TBC1D14: variants seen among roughly 807,000 people sequenced by gnomAD.
The protein encoded by TBC1D14 is TBC1 domain family member 14, also known as TBC1 domain family, member 14.
Under a neutral mutation model 79.0 loss-of-function variants are expected in TBC1D14, and 26 were observed. That is an observed-to-expected ratio of 0.33 (90% CI 0.24 to 0.46). The LOEUF (loss-of-function observed/expected upper bound fraction) is 0.46, where lower values mean the gene tolerates loss of function less well. Ranked by LOEUF, TBC1D14 falls within the 20% of genes least tolerant of loss-of-function variation. The pLI, the probability that TBC1D14 is intolerant of heterozygous loss-of-function variation, is 1.00. For synonymous variants in TBC1D14, 394 were observed against 349.9 expected (o/e 1.13, Z -1.40); for missense variants, 769 against 887.6 (o/e 0.87, Z 1.70).
chr4:6,947,138 A>C (rs1332263127), intron 2 of TBC1D14, among the ~76,000 whole-genome samples: 1 of 152,004 alleles, frequency 6.6e-6, no homozygotes, highest in Non-Finnish European at 1.5e-5. Flanking sequence ...AGGCGGGCGG[A>C]TCACTTGAGT....
intron 1 of TBC1D14, among the ~76,000 whole-genome samples, chr4:6,921,863 A>G (rs958374252): frequency 1.3e-4 from 19 of 151,632 alleles, no homozygotes; most frequent in African/African-American, 4.6e-4. Context: ...CGCCTGGCTA[A>G]TTTTTGTATT....
At chr4:6,917,495 G>A (rs1723496624) in intron 1 of TBC1D14, among the ~76,000 whole-genome samples, 1 of 152,096 alleles carries the variant, frequency 6.6e-6, no homozygotes, top group Admixed American at 6.5e-5. Flanking sequence ...CCAATTGAGT[G>A]TCTCCTTGTG....
intron 3 of TBC1D14, among the ~76,000 whole-genome samples, chr4:6,984,976 C>G (rs750263214): frequency 1.3e-5 from 2 of 152,176 alleles, no homozygotes; most frequent in South Asian, 4.1e-4. Flanking sequence ...CCAGAAAGAC[C>G]GAGAGAAAAG....
At chr4:6,957,630 A>G (rs1331087535) in intron 2 of TBC1D14, among the ~76,000 whole-genome samples, 1 of 152,196 alleles carries the variant, frequency 6.6e-6, no homozygotes, top group Non-Finnish European at 1.5e-5. Context: ...TCCTGGGAAG[A>G]GAATGTGTCT....
At chr4:7,030,294 C>G (rs1268371879) in intron 13 of TBC1D14, 33 bp from the exon 14 acceptor site, 1 of 1,610,860 alleles carries the variant, frequency 6.2e-7, no homozygotes, top group East Asian at 2.2e-5. Context: ...TGCGTGGTCA[C>G]TTAACCTCAG....
At chr4:6,948,083 G>C (rs757614004) in intron 2 of TBC1D14, among the ~76,000 whole-genome samples, 11 of 152,226 alleles carry the variant, frequency 7.2e-5, no homozygotes, top group Admixed American at 6.5e-5. Flanking sequence ...GCCCAGGAAG[G>C]CTGCACGGGA....
chr4:7,023,261 A>AAAAAC (rs1008756601), intron 12 of TBC1D14, among the ~76,000 whole-genome samples: 1 of 152,212 alleles, frequency 6.6e-6, no homozygotes, highest in Non-Finnish European at 1.5e-5. Context: ...GTCTCAAGAA[A>AAAAAC]AAAACAAAAC....
At chr4:7,014,135 C>G (rs922601164) in intron 11 of TBC1D14, among the ~76,000 whole-genome samples, 1 of 152,180 alleles carries the variant, frequency 6.6e-6, no homozygotes, top group Non-Finnish European at 1.5e-5. Context: ...GGGACAGGCA[C>G]AAATTCATTC....
At chr4:7,010,282 G>A (rs1216074683) in intron 10 of TBC1D14, among the ~76,000 whole-genome samples, 4 of 152,220 alleles carry the variant, frequency 2.6e-5, no homozygotes, top group Admixed American at 6.5e-5. Context: ...GTGGCTTCGC[G>A]GATGTGTGTG....
In TBC1D14 at chr4:6,999,186, C is replaced by G; in HGVS notation, c.1147C>G (p.Pro383Ala). 1 of 1,613,814 alleles carries G rather than the reference C, an allele frequency of 6.2e-7. No homozygotes were observed. The highest frequency in any genetic ancestry group is 8.5e-7 in the Non-Finnish European group (1 of 1,179,756). The change falls in exon 6 of 14, where the codon CCT becomes GCT. Residue 383 changes from proline to alanine, a missense_variant. Physicochemically the swap from Pro to Ala is conservative, Grantham distance 27. This residue lies in a region of TBC1D14 where 367 missense variants were observed against 494.4 expected (regional missense o/e 0.74). Coordinates refer to ENST00000409757, the MANE Select transcript of TBC1D14 (RefSeq NM_020773.3). ...GCTCACCTGGAATAATGAGATCTTA[C>G]CTAACTGGGAAACAATGTAAGATGT... ...AVLTWNNEIL[P>A]NWETMWCSRK...
At chr4:6,997,157 A>T (rs555806376) in intron 5 of TBC1D14, 1 of 152,346 alleles carries the variant, frequency 6.6e-6, no homozygotes, top group Admixed American at 6.5e-5. Context: ...GGTCAAAGAG[A>T]ATGACCATCC....
chr4:6,924,784 G>A (rs1334006559), intron 2 of TBC1D14, among the ~76,000 whole-genome samples: 1 of 152,202 alleles, frequency 6.6e-6, no homozygotes, highest in Non-Finnish European at 1.5e-5. Context: ...GTGCTCTCAT[G>A]CTTTTGTTCA....
At chr4:6,963,567 G>A (rs992371109) in intron 2 of TBC1D14, among the ~76,000 whole-genome samples, 26 of 152,126 alleles carry the variant, frequency 1.7e-4, no homozygotes, top group African/African-American at 6.0e-4. Flanking sequence ...TGGCCTCCCG[G>A]GCCCGGCCAC....
intron 2 of TBC1D14, among the ~76,000 whole-genome samples, chr4:6,953,023 C>CTTTT (rs371101904): frequency 1.5e-4 from 16 of 107,102 alleles, no homozygotes; most frequent in African/African-American, 2.6e-4. Flanking sequence ...TTTTTTCTTT[C>CTTTT]TTTTTTTTTT....
At chr4:6,915,269 C>T (rs188926750) in intron 1 of TBC1D14, among the ~76,000 whole-genome samples, 27 of 152,314 alleles carry the variant, frequency 1.8e-4, no homozygotes, top group African/African-American at 5.8e-4. Context: ...CACCAGGAAA[C>T]ATGGGGGACC....
chr4:7,022,438 T>C (rs747330624), intron 12 of TBC1D14, among the ~76,000 whole-genome samples: 8 of 152,160 alleles, frequency 5.3e-5, no homozygotes, highest in Non-Finnish European at 1.0e-4. Context: ...CAGGGCCTCA[T>C]GAAGGAGGGT....
intron 1 of TBC1D14, among the ~76,000 whole-genome samples, chr4:6,919,335 G>C (rs1723651554): frequency 6.6e-6 from 1 of 151,884 alleles, no homozygotes; most frequent in African/African-American, 2.4e-5. Flanking sequence ...TAGTAGAGAT[G>C]GGGTTTCACC....
intron 2 of TBC1D14, among the ~76,000 whole-genome samples, chr4:6,950,061 C>T (rs115067841): frequency 0.011 from 1,724 of 152,232 alleles, 7 homozygotes; most frequent in Non-Finnish European, 0.016. Flanking sequence ...TCCCTCTCCC[C>T]GTGCTCCCCA....
At chr4:7,024,902 G>C in intron 12 of TBC1D14, 102 bp from the exon 13 acceptor site, 1 of 1,511,722 alleles carries the variant, frequency 6.6e-7, no homozygotes, top group Non-Finnish European at 9.0e-7. Flanking sequence ...TTGCCTGAAA[G>C]TGACTAGGGG....
Sources: gnomAD v4.1 joint callset for allele counts (sites outside exome capture counted in the v4.1 genomes callset) on GRCh38, gnomAD v4.1.1 for gene constraint, gnomAD v4.1.1 regional missense constraint, MANE v1.5 for transcripts, NCBI Gene and HGNC (gene_info 2026-07-23, HGNC 2026-07-21) for gene names.